CRADD: variants seen among roughly 807,000 people sequenced by gnomAD.
CRADD encodes the protein CARD and death domain containing adaptor protein.
A neutral mutation model predicts 15.5 loss-of-function variants in CRADD; 9 were observed. That is an observed-to-expected ratio of 0.58 (90% CI 0.35 to 1.01). CRADD has a LOEUF of 1.01. CRADD is among the 50% of genes least tolerant of loss of function. CRADD has a pLI of 0.02. For synonymous variants in CRADD, 118 were observed against 107.6 expected (o/e 1.10, Z -0.60); for missense variants, 227 against 250.3 (o/e 0.91, Z 0.63).
chr12:93,847,498 GAAAAAAAAAAA>G (rs11378030), intron 2 of CRADD, among the ~76,000 whole-genome samples: 1 of 62,934 alleles, frequency 1.6e-5, no homozygotes, highest in African/African-American at 6.0e-5. Flanking sequence ...AGCATTGCTT[GAAAAAAAAAAA>G]AAAAAAAAAA....
At chr12:93,889,996 C>T (rs1022904073) in intron 2 of CRADD, among the ~76,000 whole-genome samples, 1 of 152,210 alleles carries the variant, frequency 6.6e-6, no homozygotes, top group Non-Finnish European at 1.5e-5. Context: ...GAGCCAGCTT[C>T]CTCTTCCTCA....
chr12:93,677,661 C>T (rs561334993), intron 1 of CRADD, 189 bp downstream of exon 1: 10 of 152,388 alleles, frequency 6.6e-5, no homozygotes, highest in African/African-American at 2.4e-4. Context: ...CCCAGCACTC[C>T]CTCTTTAGCG....
intron 2 of CRADD, among the ~76,000 whole-genome samples, chr12:93,786,851 A>G (rs10859581): frequency 0.46 from 69,262 of 152,004 alleles, 16,738 homozygotes; most frequent in East Asian, 0.7. Context: ...CTTTATTCCC[A>G]TAGAAAATCT....
chr12:93,851,203 C>T (rs1210142363), downstream of CRADD, among the ~76,000 whole-genome samples: 2 of 152,102 alleles, frequency 1.3e-5, no homozygotes, highest in East Asian at 1.9e-4. Flanking sequence ...TATGTGATCT[C>T]ATTTGGACCT....
At chr12:93,724,779 T>C (rs1404789701) in intron 2 of CRADD, among the ~76,000 whole-genome samples, 1 of 152,116 alleles carries the variant, frequency 6.6e-6, no homozygotes, top group Non-Finnish European at 1.5e-5. Context: ...GTTTTAGATG[T>C]TTTATTTTGC....
At chr12:93,808,308 G>A (rs1052917689) in intron 2 of CRADD, among the ~76,000 whole-genome samples, 10 of 152,112 alleles carry the variant, frequency 6.6e-5, no homozygotes, top group Non-Finnish European at 1.2e-4. Flanking sequence ...GGCAGAAGGC[G>A]AATGAGGAAC....
intron 2 of CRADD, among the ~76,000 whole-genome samples, chr12:93,794,540 A>G (rs1047413968): frequency 6.6e-6 from 1 of 151,802 alleles, no homozygotes; most frequent in African/African-American, 2.4e-5. Context: ...CATATCTCCA[A>G]ATTTACCTGA....
chr12:93,684,516 G>C (rs534237934), intron 2 of CRADD, among the ~76,000 whole-genome samples: 2 of 152,134 alleles, frequency 1.3e-5, no homozygotes, highest in African/African-American at 4.8e-5. Context: ...GCCACGGACC[G>C]GTATGGGAGT....
At chr12:93,840,570 T>C (rs1958034703) in intron 2 of CRADD, among the ~76,000 whole-genome samples, 3 of 145,214 alleles carry the variant, frequency 2.1e-5, no homozygotes, top group South Asian at 2.2e-4. Context: ...CTTTTTTTTT[T>C]TTCTTCTTTT....
chr12:93,763,705 T>C (rs10777542), intron 2 of CRADD, among the ~76,000 whole-genome samples: 53,868 of 152,058 alleles, frequency 0.35, 10,939 homozygotes, highest in East Asian at 0.61. Context: ...TCTTGCTTTT[T>C]GCAGAGGCAA....
At chr12:93,880,479 G>T (rs1478249556) in intron 2 of CRADD, among the ~76,000 whole-genome samples, 2 of 152,160 alleles carry the variant, frequency 1.3e-5, no homozygotes, top group African/African-American at 4.8e-5. Context: ...ACATCAAGGA[G>T]CAAGTCTAGG....
chr12:93,694,446 A>G (rs1318735714), intron 2 of CRADD, among the ~76,000 whole-genome samples: 1 of 152,202 alleles, frequency 6.6e-6, no homozygotes, highest in African/African-American at 2.4e-5. Flanking sequence ...CTCTTACTCA[A>G]CATAATACTG....
intron 1 of CRADD, 85 bp from the exon 2 acceptor site, chr12:93,678,684 T>C (rs1955212209): frequency 7.0e-6 from 10 of 1,435,922 alleles, no homozygotes; most frequent in Non-Finnish European, 9.5e-6. Context: ...GTGCTTGACC[T>C]GAAGGAACTT....
intron 2 of CRADD, among the ~76,000 whole-genome samples, chr12:93,832,868 G>A (rs950276053): frequency 9.9e-5 from 15 of 152,188 alleles, no homozygotes; most frequent in Admixed American, 6.5e-5. Context: ...AAGAAGCAGT[G>A]TTGTCATTAA....
intron 2 of CRADD, among the ~76,000 whole-genome samples, chr12:93,836,566 T>C (rs1201089343): frequency 6.6e-6 from 1 of 152,248 alleles, no homozygotes; most frequent in African/African-American, 2.4e-5. Context: ...TTTACCATTA[T>C]GGAGTTTCCT....
rs1958193518 is a variant in CRADD at position 93,850,030 on chromosome 12, T to C, written c.359T>C (p.Ile120Thr). ...AACAGCTCCCCATCAGACCGGCAGATTAACCAGCTGGCCCAGAGGCTGGGC... is the reference window on the plus strand; with the variant it reads ...AACAGCTCCCCATCAGACCGGCAGACTAACCAGCTGGCCCAGAGGCTGGGC... ...ILNSSPSDRQINQLAQRLGPE... is the reference protein window; with the variant it reads ...ILNSSPSDRQTNQLAQRLGPE... The change falls in exon 3 of 3, where the codon ATT becomes ACT. Residue 120 changes from isoleucine to threonine, a missense_variant. Physicochemically the swap from Ile to Thr is moderately conservative, Grantham distance 89. Coordinates refer to ENST00000332896, the MANE Select transcript of CRADD (RefSeq NM_003805.5). This position sits in a 1 kb window ranked among gnomAD's most constrained non-coding sequence, Gnocchi z 4.0. 5.0e-6 allele frequency: 8 copies of C among 1,611,550 alleles called. No individual in the cohort carries two copies. Among genetic ancestry groups the C allele is most frequent in the Non-Finnish European group, 6.8e-6 (8 of 1,177,720 alleles).
intron 2 of CRADD, among the ~76,000 whole-genome samples, chr12:93,779,281 C>A (rs1957173295): frequency 6.6e-6 from 1 of 152,140 alleles, no homozygotes; most frequent in Non-Finnish European, 1.5e-5. Context: ...GAACTTAGTT[C>A]TAACTATCTA....
chr12:93,679,438 A>G (rs1312847001), intron 2 of CRADD, among the ~76,000 whole-genome samples: 1 of 152,156 alleles, frequency 6.6e-6, no homozygotes, highest in Non-Finnish European at 1.5e-5. Flanking sequence ...CACCACACCT[A>G]GCCAGAACTA....
At chr12:93,878,368 A>C (rs961208044) in intron 2 of CRADD, among the ~76,000 whole-genome samples, 1 of 152,090 alleles carries the variant, frequency 6.6e-6, no homozygotes, top group Non-Finnish European at 1.5e-5. Context: ...GATGCAAGAC[A>C]CAGTACTCCT....
Sources: allele counts gnomAD v4.1 joint callset (sites outside exome capture counted in the v4.1 genomes callset), GRCh38; gene constraint gnomAD v4.1.1; non-coding constraint Gnocchi (gnomAD v3.1); transcripts MANE v1.5; gene names NCBI Gene and HGNC (gene_info 2026-07-23, HGNC 2026-07-21).